Variants in PCDHA5 observed in about 807,000 individuals in gnomAD.
PCDHA5 encodes the protein protocadherin alpha 5, also known as protocadherin alpha-5.
A neutral mutation model predicts 61.6 loss-of-function variants in PCDHA5; 43 were observed. The observed-to-expected ratio is 0.70, with a 90% confidence interval of 0.55 to 0.90. The LOEUF (loss-of-function observed/expected upper bound fraction) is 0.90. Among genes scored for constraint, PCDHA5 ranks in the 40% least tolerant of loss-of-function variants. The pLI, the probability that PCDHA5 is intolerant of heterozygous loss-of-function variation, is 0.00. For synonymous variants in PCDHA5, 627 were observed against 543.9 expected (o/e 1.15, Z -2.13); for missense variants, 1,298 against 1,222.7 (o/e 1.06, Z -0.92).
intron 1 of PCDHA5, among the ~76,000 whole-genome samples, chr5:140,938,877 ACACACACACACACAGATGCG>A (rs1350432569): frequency 6.6e-6 from 1 of 150,854 alleles, no homozygotes; most frequent in Non-Finnish European, 1.5e-5. Flanking sequence ...TTAAGAAGCA[ACACACACACACACAGATGCG>A]CACACACACA....
In PCDHA5 at chr5:140,857,614, G is replaced by A. The variant is rs1554150351; in HGVS notation, c.2352+33487G>A. ...GCAAGGTGTACGCGCTGCAGCCGCT[G>A]GACCACGAGGAGCTGGAGCTGCTAC... On this transcript the variant is annotated intron_variant, in intron 1 of 3. Transcript: ENST00000529859. 4 of 1,596,618 alleles carry A rather than the reference G, an allele frequency of 2.5e-6. 1 individual carries two copies. Among genetic ancestry groups the A allele is most frequent in the South Asian group, 1.1e-5 (1 of 90,494 alleles).
chr5:140,871,561 T>C, intron 1 of PCDHA5: 1 of 1,485,946 alleles, frequency 6.7e-7, no homozygotes, highest in Non-Finnish European at 9.0e-7. Context: ...CAGTTTTTTT[T>C]CACGGATTTT....
intron 1 of PCDHA5, chr5:140,876,774 G>C: frequency 3.7e-6 from 6 of 1,614,228 alleles, no homozygotes; most frequent in Non-Finnish European, 5.1e-6. Flanking sequence ...GCTCGCCTTC[G>C]CTGTGGGCCA....
At chr5:140,908,013 G>A (rs2073743163) in intron 1 of PCDHA5, among the ~76,000 whole-genome samples, 1 of 152,070 alleles carries the variant, frequency 6.6e-6, no homozygotes, top group Non-Finnish European at 1.5e-5. Context: ...CAAACCACTG[G>A]CTACAGCCCA....
Position 140,841,649 on chromosome 5 carries a change from G to C in PCDHA5, c.2352+17522G>C, listed in dbSNP as rs2150320047. On this transcript the variant is annotated intron_variant, in intron 1 of 3. Transcript: ENST00000529859. ...GTGCAGCATCCACCTGGAGGTGATC[G>C]TGGACAGGCCGCTGCAGGTTTTCCA... 3.1e-6 allele frequency: 5 copies of C among 1,614,050 alleles called. No homozygotes were observed. The South Asian group carries it at 4.4e-5, about 14-fold the overall frequency.
chr5:141,009,710 C>A lies in PCDHA5; in HGVS notation c.2584C>A (p.Pro862Thr), dbSNP rs2098413865. 1 of 1,613,980 alleles carries A rather than the reference C, an allele frequency of 6.2e-7. No individual in the cohort carries two copies. Among genetic ancestry groups the A allele is most frequent in the African/African-American group, 1.3e-5 (1 of 74,884 alleles). Residue 862 changes from proline (P) to threonine (T), a missense_variant, in exon 4 of 4, where the codon CCC becomes ACC. Pro to Thr is a conservative substitution (Grantham distance 38). Transcript: ENST00000529859. ...GACCTTTAAATACGGACCAGGCAAC[C>A]CCAAACAATCCGGTCCCGGTGAGTT... ...SWTFKYGPGN[P>T]KQSGPGELPD...
intron 1 of PCDHA5, chr5:140,875,190 C>T (rs2055337617): frequency 4.0e-6 from 2 of 496,884 alleles, no homozygotes; most frequent in Admixed American, 4.0e-5. Flanking sequence ...TTAAGAGTGA[C>T]CCAGGAAGTG....
rs201868516 is a variant in PCDHA5 at position 140,843,396 on chromosome 5, C to A, written c.2352+19269C>A. 27 of 1,595,918 alleles carry A rather than the reference C, an allele frequency of 1.7e-5. 6 individuals carry two copies. Among genetic ancestry groups the A allele is most frequent in the Non-Finnish European group, 2.3e-5 (27 of 1,165,594 alleles). ...GCTGGCGTTTTGGGTCCGGAAGCGGCGCTGGTGGATGTCAACGTGTACCTG... is the reference window on the plus strand; with the variant it reads ...GCTGGCGTTTTGGGTCCGGAAGCGGAGCTGGTGGATGTCAACGTGTACCTG... On this transcript the variant is annotated intron_variant, in intron 1 of 3. Coordinates refer to ENST00000529859, the MANE Select transcript of PCDHA5 (RefSeq NM_018908.3).
intron 1 of PCDHA5, among the ~76,000 whole-genome samples, chr5:140,890,587 G>T (rs2062701287): frequency 6.6e-6 from 1 of 151,988 alleles, no homozygotes; most frequent in African/African-American, 2.4e-5. Flanking sequence ...TTATTTGGAA[G>T]CCCTTTTCCG....
At chr5:140,995,698 G>T (rs963042409) in intron 3 of PCDHA5, among the ~76,000 whole-genome samples, 1 of 152,104 alleles carries the variant, frequency 6.6e-6, no homozygotes, top group African/African-American at 2.4e-5. Context: ...TTAAATAAAG[G>T]GCTGGGCTTG....
At chr5:140,858,256 G>T in intron 1 of PCDHA5, 1 of 1,596,658 alleles carries the variant, frequency 6.3e-7, no homozygotes. Flanking sequence ...TGAAGCCCAC[G>T]CTGGTGTGCT....
chr5:140,824,610 G>GTTTGT (rs1768197195), intron 1 of PCDHA5: 2 of 95,104 alleles, frequency 2.1e-5, no homozygotes, highest in African/African-American at 4.9e-5. Context: ...GCTAATTAAA[G>GTTTGT]TTTTTTTTTT....
rs782362312 is a variant in PCDHA5 at position 140,884,131 on chromosome 5, G to T, written c.2352+60004G>T. 4 of 1,613,396 alleles carry T rather than the reference G, an allele frequency of 2.5e-6. No individual in the cohort carries two copies. In the South Asian group the frequency reaches 3.3e-5, roughly 13 times the overall value. On this transcript the variant is annotated intron_variant, in intron 1 of 3. Coordinates refer to ENST00000529859, the MANE Select transcript of PCDHA5 (RefSeq NM_018908.3). ...TGGCGGCGGTCGGCGCGCGCATCCCGTTCCGCGTGGGGCTGTACACTGGCG... is the reference window on the plus strand; with the variant it reads ...TGGCGGCGGTCGGCGCGCGCATCCCTTTCCGCGTGGGGCTGTACACTGGCG...
chr5:140,985,128 G>C (rs908196925), intron 3 of PCDHA5, among the ~76,000 whole-genome samples: 1 of 152,056 alleles, frequency 6.6e-6, no homozygotes, highest in African/African-American at 2.4e-5. Context: ...TAGTAAAGAC[G>C]GGGTTTCACC....
intron 1 of PCDHA5, chr5:140,824,610 GTT>G (rs782443702): frequency 1.2e-4 from 11 of 95,112 alleles, no homozygotes; most frequent in South Asian, 3.6e-4. Flanking sequence ...GCTAATTAAA[GTT>G]TTTTTTTTTT....
chr5:140,967,876 G>T, intron 1 of PCDHA5: 1 of 1,614,144 alleles, frequency 6.2e-7, no homozygotes, highest in Non-Finnish European at 8.5e-7. Context: ...TCACGGACCT[G>T]TATAGCCCAG....
chr5:140,876,802 G>C, intron 1 of PCDHA5: 2 of 1,614,248 alleles, frequency 1.2e-6, no homozygotes. Context: ...AGTGTCCGTG[G>C]AGGTGGCCGA....
Position 141,009,541 on chromosome 5 carries a change from A to G in PCDHA5, c.2501-86A>G. 8 of 1,530,282 alleles carry G rather than the reference A, an allele frequency of 5.2e-6. No homozygotes were observed. The South Asian group carries it at 6.6e-5, about 13-fold the overall frequency. 94.8% of individuals were successfully genotyped at this position (1,530,282 alleles called of 1,614,324 possible). Reference sequence around the variant, plus strand: ...TTTTCTGGGGAGGTTCAGCCTGCCTATGCAGTACTCCTGTACTCTACCAGC... The same window carrying G: ...TTTTCTGGGGAGGTTCAGCCTGCCTGTGCAGTACTCCTGTACTCTACCAGC... On this transcript the variant is annotated intron_variant, in intron 3 of 3. Coordinates refer to ENST00000529859, the MANE Select transcript of PCDHA5 (RefSeq NM_018908.3).
Position 140,843,641 on chromosome 5 carries a change from C to T in PCDHA5, c.2352+19514C>T, listed in dbSNP as rs1231976546. ...GAAGACGGACCTCATGGCCTTCAGCCCCTGCCTTCCTCCTGATCTGGGATC... is the reference window on the plus strand; with the variant it reads ...GAAGACGGACCTCATGGCCTTCAGCTCCTGCCTTCCTCCTGATCTGGGATC... On this transcript the variant is annotated intron_variant, in intron 1 of 3. Transcript: ENST00000529859. 2.4e-5 allele frequency: 38 copies of T among 1,595,398 alleles called. 1 individual carries two copies. The highest frequency in any genetic ancestry group is 4.5e-5 in the East Asian group (2 of 44,832).
Sources: allele counts gnomAD v4.1 joint callset (sites outside exome capture counted in the v4.1 genomes callset), GRCh38; gene constraint gnomAD v4.1.1; transcripts MANE v1.5; gene names NCBI Gene and HGNC (gene_info 2026-07-23, HGNC 2026-07-21).